The following PRG3 variants were observed in gnomAD, a reference collection of about 807,000 sequenced individuals.
The protein encoded by PRG3 is proteoglycan 3.
Under a neutral mutation model 26.1 loss-of-function variants are expected in PRG3, and 25 were observed. The ratio of observed to expected loss-of-function variants is 0.96; its 90% CI spans 0.70 to 1.34. The LOEUF (loss-of-function observed/expected upper bound fraction) is 1.34, where lower values mean the gene tolerates loss of function less well. Ranked by LOEUF, PRG3 falls within the 40% of genes most tolerant of loss-of-function variation. The pLI is 0.00. For synonymous variants in PRG3, 111 were observed against 100.4 expected (o/e 1.11, Z -0.63); for missense variants, 280 against 264.8 (o/e 1.06, Z -0.40).
At chr11:57,380,496 T>G in intron 2 of PRG3, 152 bp downstream of exon 2, 1 of 619,624 alleles carries the variant, frequency 1.6e-6, no homozygotes, top group Non-Finnish European at 2.8e-6. Context: ...CAGTTCTGAG[T>G]CCAAGTGATA....
chr11:57,378,060 A>T (rs1433349754), intron 4 of PRG3, among the ~76,000 whole-genome samples: 2 of 152,092 alleles, frequency 1.3e-5, no homozygotes, highest in Non-Finnish European at 2.9e-5. Context: ...TCTCCTGGGG[A>T]TCTTGTTAAA....
intron 2 of PRG3, 73 bp from the exon 3 acceptor site, chr11:57,379,880 G>C (rs544079): frequency 0.99 from 1,377,817 of 1,388,682 alleles, 684,212 homozygotes; most frequent in Non-Finnish European, 1. Flanking sequence ...CTCCAGCAAC[G>C]TCGCTCGAGC....
intron 2 of PRG3, among the ~76,000 whole-genome samples, chr11:57,380,287 C>G (rs1298982703): frequency 1.3e-5 from 2 of 152,106 alleles, no homozygotes; most frequent in Non-Finnish European, 2.9e-5. Context: ...GTAGTCCCAG[C>G]TACTCAGGAG....
intron 2 of PRG3, 91 bp downstream of exon 2, chr11:57,380,557 G>T: frequency 8.6e-7 from 1 of 1,158,156 alleles, no homozygotes; most frequent in Non-Finnish European, 1.2e-6. Context: ...TGTGGTCCTG[G>T]CCTCATGAGT....
chr11:57,379,847 C>G, intron 2 of PRG3, 40 bp from the exon 3 acceptor site: 1 of 1,550,636 alleles, frequency 6.4e-7, no homozygotes, highest in Non-Finnish European at 8.7e-7. Flanking sequence ...TCAAGAGCTT[C>G]CTAGTTCCAG....
At chr11:57,380,031 G>A (rs1856983235) in intron 2 of PRG3, among the ~76,000 whole-genome samples, 1 of 152,234 alleles carries the variant, frequency 6.6e-6, no homozygotes, top group Non-Finnish European at 1.5e-5. Flanking sequence ...GAAGGTGGGA[G>A]AAAGCACGTG....
At chr11:57,378,381 G>T (rs907116531) in intron 4 of PRG3, among the ~76,000 whole-genome samples, 1 of 152,162 alleles carries the variant, frequency 6.6e-6, no homozygotes, top group African/African-American at 2.4e-5. Context: ...CCAGCTCTTG[G>T]GGTGGGTGGG....
At chr11:57,380,305 C>G (rs892726975) in intron 2 of PRG3, among the ~76,000 whole-genome samples, 12 of 151,868 alleles carry the variant, frequency 7.9e-5, no homozygotes, top group African/African-American at 1.5e-4. Flanking sequence ...GAGGCTGAGG[C>G]AGAAGAATTG....
intron 3 of PRG3, among the ~76,000 whole-genome samples, chr11:57,379,216 C>T (rs903045911): frequency 6.6e-5 from 10 of 152,182 alleles, no homozygotes; most frequent in African/African-American, 2.2e-4. Flanking sequence ...GTTTCTAACA[C>T]CAAAGCCTTT....
Position 57,380,778 on chromosome 11 carries a change from G to A in PRG3, c.-70C>T. The A allele has an allele frequency of 1.8e-6, 2 of 1,101,614 alleles. No individual in the cohort carries two copies. The highest frequency in any genetic ancestry group is 2.5e-6 in the Non-Finnish European group (2 of 786,322). The allele number at this position is 1,101,614 out of a possible 1,614,324, so 68.2% of individuals were successfully genotyped here. ...GGGCTGTCTTTGTGTGTCTAGTATA[G>A]CCCCTGGCACATAGTATAGAGGGAA... is the stretch of plus-strand genomic sequence containing the variant. On this transcript the variant is annotated 5_prime_UTR_variant, in exon 2 of 6. Coordinates refer to ENST00000287143, the MANE Select transcript of PRG3 (RefSeq NM_006093.4).
chr11:57,378,797 A>G lies in PRG3; in HGVS notation c.391T>C (p.Cys131Arg), dbSNP rs760980399. The G allele has an allele frequency of 6.2e-7, 1 of 1,613,770 alleles. No individual in the cohort carries two copies. Among genetic ancestry groups the G allele is most frequent in the South Asian group, 1.1e-5 (1 of 91,080 alleles). ...FAEAQNVCSRCYGGNLVSIHD... is the reference protein window; with the variant it reads ...FAEAQNVCSRRYGGNLVSIHD... ...ATAGAGACAAGGTTGCCTCCGTAGC[A>G]TCTGCTGCAGACATTCTGCAGACGG... Residue 131 changes from cysteine to arginine, a missense_variant, in exon 4 of 6, where the codon TGC becomes CGC. Physicochemically the swap from Cys to Arg is radical, Grantham distance 180 (BLOSUM62 -3). Coordinates refer to ENST00000287143, the MANE Select transcript of PRG3 (RefSeq NM_006093.4).
At chr11:57,378,441 T>C (rs1856964425) in intron 4 of PRG3, among the ~76,000 whole-genome samples, 1 of 151,360 alleles carries the variant, frequency 6.6e-6, no homozygotes, top group Non-Finnish European at 1.5e-5. Context: ...GCCTATTTCC[T>C]TTGTGTAAAT....
intron 3 of PRG3, 70 bp downstream of exon 3, chr11:57,379,424 A>C: frequency 2.1e-6 from 3 of 1,413,504 alleles, no homozygotes; most frequent in Non-Finnish European, 2.9e-6. Flanking sequence ...GCCTAAATGA[A>C]TAGGGAACAG....
rs754371931 is a variant in PRG3 at position 57,376,908 on chromosome 11, C to G, written c.620G>C (p.Gly207Ala). 2 of 1,612,098 alleles carry G rather than the reference C, an allele frequency of 1.2e-6. No homozygotes were observed. The highest frequency in any genetic ancestry group is 1.7e-6 in the Non-Finnish European group (2 of 1,179,786). The part of the protein sequence containing the change: ...QGSCVALCTK[G>A]GYWRRAQCDK... ...GCATTGAGCTCGTCGCCAATAACCTCCTAGCAGCACAGAGCACAGTGAAGT... is the reference window on the plus strand; with the variant it reads ...GCATTGAGCTCGTCGCCAATAACCTGCTAGCAGCACAGAGCACAGTGAAGT... The change falls in exon 6 of 6, where the codon GGA becomes GCA. Residue 207 changes from glycine to alanine, a missense_variant and splice_region_variant. Coordinates refer to ENST00000287143, the MANE Select transcript of PRG3 (RefSeq NM_006093.4).
chr11:57,379,201 C>A (rs1260675022), intron 3 of PRG3, among the ~76,000 whole-genome samples: 4 of 152,248 alleles, frequency 2.6e-5, no homozygotes, highest in Non-Finnish European at 5.9e-5. Flanking sequence ...GAATTTAACA[C>A]AGGCGTTTCT....
intron 5 of PRG3, among the ~76,000 whole-genome samples, chr11:57,377,292 C>T (rs1334216027): frequency 1.3e-5 from 2 of 152,148 alleles, no homozygotes; most frequent in Admixed American, 6.5e-5. Context: ...CACATATGGT[C>T]TCAGCCACTA....
At position 57,379,822 on chromosome 11, in the gene PRG3, T is replaced by TAACC. The variant is rs769997435; in HGVS notation, c.62-19_62-16dup. On this transcript the variant is annotated splice_polypyrimidine_tract_variant and intron_variant, in intron 2 of 5. Coordinates refer to ENST00000287143, the MANE Select transcript of PRG3 (RefSeq NM_006093.4). ...GGCATCATTCTCTGGGAAGAAGAGG[T>TAACC]AACCTGCCATCAGGTCAAGAGCTTC... 18 of 1,592,456 alleles carry TAACC rather than the reference T, an allele frequency of 1.1e-5. No individual in the cohort carries two copies. The highest frequency in any genetic ancestry group is 1.5e-5 in the Non-Finnish European group (17 of 1,169,006).
In PRG3 at chr11:57,377,703, C is replaced by T. The variant is rs773846080; in HGVS notation, c.619+22G>A. On this transcript the variant is annotated intron_variant, in intron 5 of 5. Coordinates refer to ENST00000287143, the MANE Select transcript of PRG3 (RefSeq NM_006093.4). ...TCCACTTTACTATCCCTTCTCCCTG[C>T]CCTGGTGCCCTTCCCCCTCACCTTT... 3.8e-6 allele frequency: 6 copies of T among 1,583,624 alleles called. No individual in the cohort carries two copies. The South Asian group carries it at 6.7e-5, about 18-fold the overall frequency.
chr11:57,378,734 T>G lies in PRG3; in HGVS notation c.454A>C (p.Thr152Pro), dbSNP rs1565079109. 11 of 1,613,862 alleles carry G rather than the reference T, an allele frequency of 6.8e-6. No individual in the cohort carries two copies. The highest frequency in any genetic ancestry group is 9.3e-6 in the Non-Finnish European group (11 of 1,179,914). Reference sequence around the variant, plus strand: ...ACCTGGGCTTGGTTGACTGTGCTAGTGCAGCACTGAATGCGATAGTTGAAG... The same window carrying G: ...ACCTGGGCTTGGTTGACTGTGCTAGGGCAGCACTGAATGCGATAGTTGAAG... ...FNFNYRIQCC[T>P]STVNQAQVWI... Residue 152 changes from threonine to proline, a missense_variant, in exon 4 of 6, where the codon ACT becomes CCT. By Grantham distance (38) the Thr-to-Pro change is conservative (BLOSUM62 -1). Transcript: ENST00000287143.
Sources: gnomAD v4.1 joint callset for allele counts (sites outside exome capture counted in the v4.1 genomes callset) on GRCh38, gnomAD v4.1.1 for gene constraint, MANE v1.5 for transcripts, NCBI Gene and HGNC (gene_info 2026-07-23, HGNC 2026-07-21) for gene names.